The following CNKSR3 variants were observed in gnomAD, a reference collection of about 807,000 sequenced individuals.
CNKSR3 encodes connector enhancer of kinase suppressor of ras 3.
A neutral mutation model predicts 67.7 loss-of-function variants in CNKSR3; 36 were observed. That is an observed-to-expected ratio of 0.53 (90% confidence interval 0.41 to 0.70). The LOEUF is 0.70. Among genes scored for constraint, CNKSR3 ranks in the 30% least tolerant of loss-of-function variants. The probability of loss-of-function intolerance (pLI) is 0.00; values close to 1 mark genes in which losing one functional copy is unlikely to be tolerated. For synonymous variants in CNKSR3, 281 were observed against 271.4 expected (o/e 1.04, Z -0.35); for missense variants, 630 against 695.2 (o/e 0.91, Z 1.05).
intron 4 of CNKSR3, among the ~76,000 whole-genome samples, chr6:154,439,668 A>T (rs1582861067): frequency 6.6e-6 from 1 of 152,080 alleles, no homozygotes; most frequent in Non-Finnish European, 1.5e-5. Context: ...GAGGCAGGGG[A>T]ATTACTCGAG....
chr6:154,422,159 AT>A (rs1785158987), intron 9 of CNKSR3, among the ~76,000 whole-genome samples: 2 of 151,678 alleles, frequency 1.3e-5, no homozygotes, highest in African/African-American at 4.8e-5. Flanking sequence ...TGCCTGGCTA[AT>A]TTTTTGTATT....
At position 154,510,251 on chromosome 6, in the gene CNKSR3, C is replaced by A; in HGVS notation, c.-137G>T. The A allele has an allele frequency of 2.2e-6, 2 of 916,110 alleles. No individual in the cohort carries two copies. Among genetic ancestry groups the A allele is most frequent in the Non-Finnish European group, 1.7e-6 (1 of 593,062 alleles). 56.7% of individuals were successfully genotyped at this position (916,110 alleles called of 1,614,324 possible). On this transcript the variant is annotated 5_prime_UTR_variant, in exon 1 of 13. Transcript: ENST00000607772. ...GAGCGACTCCGTCAAGACTGCATGG[C>A]CGCGGTCAGCCAGTCGTCCCAGCGC...
intron 1 of CNKSR3, among the ~76,000 whole-genome samples, chr6:154,485,561 G>A (rs966192440): frequency 1.3e-5 from 2 of 152,136 alleles, no homozygotes; most frequent in Non-Finnish European, 2.9e-5. Context: ...TTCCCAAAAC[G>A]CATCAGGTAT....
At chr6:154,473,753 T>C (rs1183166634) in intron 1 of CNKSR3, among the ~76,000 whole-genome samples, 2 of 151,964 alleles carry the variant, frequency 1.3e-5, no homozygotes, top group African/African-American at 4.8e-5. Context: ...ACTTAGACAA[T>C]CACTTAATTT....
At position 154,401,968 on chromosome 6, in the gene CNKSR3, G is replaced by GA. The variant is rs921172904; in HGVS notation, c.*4385dup. On this transcript the variant is annotated 3_prime_UTR_variant, in exon 13 of 13. Transcript: ENST00000607772. ...AGAGGAATGTTCATGGTCTTCCAGG[G>GA]AAAAAATTAAAAAAAGAAAGCCCAC... 2.6e-5 allele frequency: 4 copies of GA among 151,848 alleles called. No individual in the cohort carries two copies. The highest frequency in any genetic ancestry group is 7.3e-5 in the African/African-American group (3 of 41,332). The allele number at this position is 151,848 out of a possible 1,614,324, so 9.4% of individuals were successfully genotyped here.
intron 7 of CNKSR3, among the ~76,000 whole-genome samples, chr6:154,426,384 G>C (rs1421491583): frequency 9.2e-6 from 1 of 108,248 alleles, no homozygotes; most frequent in East Asian, 3.0e-4. Context: ...ATTTGAGACA[G>C]AGTCTTGCTC....
chr6:154,429,384 A>G (rs2128715199), intron 6 of CNKSR3, among the ~76,000 whole-genome samples: 1 of 152,264 alleles, frequency 6.6e-6, no homozygotes, highest in South Asian at 2.1e-4. Context: ...AGATTATATC[A>G]GCTTCTCCTC....
intron 12 of CNKSR3, among the ~76,000 whole-genome samples, chr6:154,407,330 C>T (rs1241642799): frequency 3.9e-5 from 6 of 152,162 alleles, no homozygotes; most frequent in Non-Finnish European, 5.9e-5. Context: ...TGATCCTGCC[C>T]TAACTGCCAG....
At chr6:154,429,708 C>T (rs990676151) in intron 6 of CNKSR3, among the ~76,000 whole-genome samples, 1 of 152,064 alleles carries the variant, frequency 6.6e-6, no homozygotes, top group Admixed American at 6.6e-5. Context: ...ATACTTTCCC[C>T]CTCCCCCGTC....
At chr6:154,509,842 C>T (rs1787178248) in intron 1 of CNKSR3, among the ~76,000 whole-genome samples, 1 of 152,180 alleles carries the variant, frequency 6.6e-6, no homozygotes, top group Non-Finnish European at 1.5e-5. Context: ...AAAGATAGGG[C>T]TCCCCTCGGC....
At chr6:154,452,118 G>A (rs1020562341) in intron 1 of CNKSR3, among the ~76,000 whole-genome samples, 1 of 152,162 alleles carries the variant, frequency 6.6e-6, no homozygotes, top group Non-Finnish European at 1.5e-5. Context: ...GGACAAGATT[G>A]AAGGACAGCC....
chr6:154,486,523 T>A (rs1376379645), intron 1 of CNKSR3, among the ~76,000 whole-genome samples: 1 of 147,952 alleles, frequency 6.8e-6, no homozygotes, highest in African/African-American at 2.6e-5. Context: ...GATGGAGTCT[T>A]GCACTGTCAC....
chr6:154,464,902 GAAGCC>G (rs1307122766), intron 1 of CNKSR3, among the ~76,000 whole-genome samples: 1 of 151,590 alleles, frequency 6.6e-6, no homozygotes, highest in Non-Finnish European at 1.5e-5. Flanking sequence ...AGCACTTTGG[GAAGCC>G]AAGGTGGGTG....
At position 154,442,208 on chromosome 6, in the gene CNKSR3, C is replaced by G. The variant is rs751322385; in HGVS notation, c.299G>C (p.Ser100Thr). The G allele has an allele frequency of 6.2e-7, 1 of 1,614,174 alleles. No homozygotes were observed. The highest frequency in any genetic ancestry group is 1.1e-5 in the South Asian group (1 of 91,084). The change falls in exon 3 of 13, where the codon AGT (serine) becomes ACT (threonine). Residue 100 changes from serine (S) to threonine (T), a missense_variant. Coordinates refer to ENST00000607772, the MANE Select transcript of CNKSR3 (RefSeq NM_173515.4). Reference sequence around the variant, plus strand: ...GTAAGCGGGACTTTTCCGTCGGCTACTTATGTAATTCTGTAAATTGTGGGA... The same window carrying G: ...GTAAGCGGGACTTTTCCGTCGGCTAGTTATGTAATTCTGTAAATTGTGGGA... The part of the protein sequence containing the change: ...ASSHNLQNYI[S>T]SRRKSPAYDG...
chr6:154,421,854 G>A (rs578246859), intron 9 of CNKSR3, among the ~76,000 whole-genome samples: 8 of 152,232 alleles, frequency 5.3e-5, no homozygotes, highest in East Asian at 1.9e-4. Context: ...AGGACTAGAA[G>A]GAACTTTCTG....
chr6:154,413,437 C>T (rs533952661), intron 10 of CNKSR3, among the ~76,000 whole-genome samples: 38 of 152,152 alleles, frequency 2.5e-4, no homozygotes, highest in African/African-American at 8.7e-4. Flanking sequence ...CACTATATTC[C>T]CCAGGCTGGT....
intron 2 of CNKSR3, among the ~76,000 whole-genome samples, chr6:154,449,134 T>C (rs1785769995): frequency 6.6e-6 from 1 of 152,232 alleles, no homozygotes; most frequent in African/African-American, 2.4e-5. Flanking sequence ...CTCATTCATG[T>C]TAAAGCCAAA....
intron 1 of CNKSR3, among the ~76,000 whole-genome samples, chr6:154,460,082 G>T (rs562366292): frequency 7.7e-4 from 117 of 152,262 alleles, no homozygotes; most frequent in African/African-American, 2.7e-3. Context: ...GCTGAAAAAA[G>T]TCTAGCCATG....
intron 1 of CNKSR3, among the ~76,000 whole-genome samples, chr6:154,500,589 A>T (rs1013855984): frequency 6.6e-6 from 1 of 152,102 alleles, no homozygotes; most frequent in Non-Finnish European, 1.5e-5. Context: ...TGGAGAAGTG[A>T]TATATTATGT....
Sources: allele counts gnomAD v4.1 joint callset (sites outside exome capture counted in the v4.1 genomes callset), GRCh38; gene constraint gnomAD v4.1.1; transcripts MANE v1.5; gene names NCBI Gene and HGNC (gene_info 2026-07-23, HGNC 2026-07-21).